Variants in NOVA1 observed in about 807,000 individuals in gnomAD.
NOVA1 encodes the protein NOVA alternative splicing regulator 1.
NOVA1 carries 7 observed loss-of-function variants against 38.0 expected under a neutral mutation model. The ratio of observed to expected loss-of-function variants is 0.18; its 90% CI spans 0.10 to 0.35. The LOEUF (loss-of-function observed/expected upper bound fraction) is 0.35, where lower values mean the gene tolerates loss of function less well. Ranked by LOEUF, NOVA1 falls within the 10% of genes least tolerant of loss-of-function variation. The pLI, the probability that NOVA1 is intolerant of heterozygous loss-of-function variation, is 1.00. For synonymous variants in NOVA1, 270 were observed against 232.5 expected, an observed-to-expected ratio of 1.16 and a Z score of -1.47; for missense variants, 460 against 616.0, an observed-to-expected ratio of 0.75 and a Z score of 2.68.
At chr14:26,591,883 A>G (rs1254723773) in intron 2 of NOVA1, among the ~76,000 whole-genome samples, 1 of 151,564 alleles carries the variant, frequency 6.6e-6, no homozygotes, top group East Asian at 1.9e-4. Context: ...TGTACAAATA[A>G]TAATTTCAAA....
intron 3 of NOVA1, among the ~76,000 whole-genome samples, chr14:26,472,967 T>A (rs1045485345): frequency 6.6e-6 from 1 of 151,946 alleles, no homozygotes; most frequent in Non-Finnish European, 1.5e-5. Context: ...TTCTAAAATA[T>A]TAATTTTTAA....
chr14:26,458,881 C>T (rs1883410078), intron 4 of NOVA1, among the ~76,000 whole-genome samples: 1 of 151,964 alleles, frequency 6.6e-6, no homozygotes, highest in South Asian at 2.1e-4. Flanking sequence ...TTTTGGACAA[C>T]ATGTTAGTGT....
intron 2 of NOVA1, chr14:26,519,546 T>G (rs1233770108): frequency 6.6e-6 from 1 of 152,172 alleles, no homozygotes; most frequent in Non-Finnish European, 1.5e-5. Context: ...AGAATTAGAC[T>G]GTTAACACCT....
intron 2 of NOVA1, among the ~76,000 whole-genome samples, chr14:26,586,195 G>A (rs906721124): frequency 1.3e-5 from 2 of 151,212 alleles, no homozygotes; most frequent in Admixed American, 6.6e-5. Flanking sequence ...CACTGTAGAA[G>A]GAAAAGTCTT....
Position 26,451,399 on chromosome 14 carries a change from G to T in NOVA1, c.520-2436C>A, listed in dbSNP as rs540150239. ...ATTTATTTTTGAGAGACGGAGTCTT[G>T]CTCTGTTGCCCAGGCTGGAGCGCAG... On this transcript the variant is annotated intron_variant, in intron 4 of 4. Coordinates refer to ENST00000539517, the MANE Select transcript of NOVA1 (RefSeq NM_002515.3). 3.6e-3 allele frequency among the ~76,000 whole-genome samples: 542 copies of T among 151,690 alleles called. 5 individuals are homozygous for T. Among genetic ancestry groups the T allele is most frequent in the African/African-American group, 0.012 (498 of 41,346 alleles).
chr14:26,564,693 G>A (rs1892030380), intron 2 of NOVA1, among the ~76,000 whole-genome samples: 1 of 151,800 alleles, frequency 6.6e-6, no homozygotes, highest in Non-Finnish European at 1.5e-5. Context: ...AGACAAGACA[G>A]AAATTCAAAC....
At chr14:26,573,418 C>T (rs555679065) in intron 2 of NOVA1, among the ~76,000 whole-genome samples, 2 of 151,756 alleles carry the variant, frequency 1.3e-5, no homozygotes, top group South Asian at 4.2e-4. Context: ...ACAGGTATTA[C>T]CAGAATTAAA....
intron 4 of NOVA1, among the ~76,000 whole-genome samples, 179 bp from the exon 5 acceptor site, chr14:26,449,142 T>C (rs893427972): frequency 6.6e-6 from 1 of 152,130 alleles, no homozygotes; most frequent in Admixed American, 6.5e-5. Context: ...CTTGTAAAAT[T>C]AGAATTTTCA....
chr14:26,468,245 C>T (rs964214175), intron 4 of NOVA1, among the ~76,000 whole-genome samples: 1 of 151,634 alleles, frequency 6.6e-6, no homozygotes, highest in African/African-American at 2.4e-5. Context: ...TGGGTGGCCT[C>T]TAGAATCTGA....
At chr14:26,477,367 A>G (rs1885069968) in intron 3 of NOVA1, among the ~76,000 whole-genome samples, 1 of 152,174 alleles carries the variant, frequency 6.6e-6, no homozygotes, top group South Asian at 2.1e-4. Flanking sequence ...GCTTTTAGAA[A>G]AAATACATAT....
intron 2 of NOVA1, among the ~76,000 whole-genome samples, chr14:26,570,204 G>A (rs568043460): frequency 1.0e-3 from 158 of 151,896 alleles, no homozygotes; most frequent in Admixed American, 2.6e-3. Flanking sequence ...AAAATTAGCC[G>A]GCAGTGGTGG....
intron 4 of NOVA1, among the ~76,000 whole-genome samples, chr14:26,459,386 G>C (rs1468612634): frequency 6.6e-6 from 1 of 152,056 alleles, no homozygotes; most frequent in Non-Finnish European, 1.5e-5. Flanking sequence ...AGAAGCAATA[G>C]GTTACACCAA....
rs533211624 is a variant in NOVA1, at chr14:26,565,664, T to G, written c.280+29746A>C. Among the ~76,000 whole-genome samples the G allele has an allele frequency of 2.0e-5, 3 of 152,162 alleles. No homozygotes were observed. In the East Asian group the frequency reaches 5.8e-4, roughly 29 times the overall value. On this transcript the variant is annotated intron_variant, in intron 2 of 4. Coordinates refer to ENST00000539517, the MANE Select transcript of NOVA1 (RefSeq NM_002515.3). ...TAGCCATTAGCACTGTGCCATACTA[T>G]AGACTAAATGATATTGTGTGGAATC...
chr14:26,592,851 C>T (rs748081988), intron 2 of NOVA1: 2 of 151,594 alleles, frequency 1.3e-5, no homozygotes, highest in Non-Finnish European at 1.5e-5. Context: ...CTGTGTTACA[C>T]ATCCTGAAGA....
chr14:26,451,545 TCTTTTAG>T (rs1390072108), intron 4 of NOVA1, among the ~76,000 whole-genome samples: 1 of 151,974 alleles, frequency 6.6e-6, no homozygotes, highest in East Asian at 1.9e-4. Flanking sequence ...ATTTTTGTAT[TCTTTTAG>T]TAGAGATGGG....
intron 2 of NOVA1, among the ~76,000 whole-genome samples, chr14:26,507,273 T>TA (rs5807367): frequency 0.67 from 99,741 of 148,762 alleles, 34,030 homozygotes; most frequent in Non-Finnish European, 0.75. Flanking sequence ...CAACTCATTG[T>TA]AAAAAAAAAA....
At chr14:26,507,339 T>C (rs1267883643) in intron 2 of NOVA1, among the ~76,000 whole-genome samples, 2 of 152,094 alleles carry the variant, frequency 1.3e-5, no homozygotes, top group Admixed American at 6.6e-5. Flanking sequence ...AATCTTATCA[T>C]AGTAGTTTAT....
chr14:26,589,906 C>T (rs752085831), intron 2 of NOVA1, among the ~76,000 whole-genome samples: 1 of 151,700 alleles, frequency 6.6e-6, no homozygotes, highest in Non-Finnish European at 1.5e-5. Context: ...TTCATCAACC[C>T]AAGCATCAGA....
At chr14:26,526,919 A>C (rs1311083506) in intron 2 of NOVA1, among the ~76,000 whole-genome samples, 1 of 152,162 alleles carries the variant, frequency 6.6e-6, no homozygotes, top group African/African-American at 2.4e-5. Context: ...AATAACTCCC[A>C]AAATACGGCC....
Sources: allele counts gnomAD v4.1 joint callset (sites outside exome capture counted in the v4.1 genomes callset), GRCh38; gene constraint gnomAD v4.1.1; transcripts MANE v1.5; gene names NCBI Gene and HGNC (gene_info 2026-07-23, HGNC 2026-07-21).